The following GOLGA4 variants were observed in gnomAD, a reference collection of about 807,000 sequenced individuals.
GOLGA4 encodes golgin A4.
Under a neutral mutation model 265.9 loss-of-function variants are expected in GOLGA4, and 169 were observed. The ratio of observed to expected loss-of-function variants is 0.64; its 90% CI spans 0.56 to 0.72. The LOEUF (loss-of-function observed/expected upper bound fraction) is 0.72, where lower values mean the gene tolerates loss of function less well. GOLGA4 is among the 30% of genes least tolerant of loss of function. The pLI is 0.00. For synonymous variants in GOLGA4, 923 were observed against 855.8 expected (o/e 1.08, Z -1.37); for missense variants, 2,482 against 2,483.4 (o/e 1.00, Z 0.01).
intron 23 of GOLGA4, among the ~76,000 whole-genome samples, chr3:37,362,243 T>TATTATTA (rs1446910369): frequency 8.6e-6 from 1 of 116,472 alleles, no homozygotes; most frequent in African/African-American, 3.1e-5. Context: ...ATTTATTATT[T>TATTATTA]TTTTTTTTTT....
chr3:37,251,625 C>A, intron 2 of GOLGA4, 141 bp downstream of exon 2: 1 of 476,486 alleles, frequency 2.1e-6, no homozygotes, highest in Non-Finnish European at 3.7e-6. Flanking sequence ...CACAATTGGT[C>A]TTTTTTTTTT....
rs373130700 is a variant in GOLGA4, at chr3:37,342,119, G to C, written c.6472+1920G>C. Among the ~76,000 whole-genome samples, 29 of 152,206 alleles carry C rather than the reference G, an allele frequency of 1.9e-4. No individual in the cohort carries two copies. In the South Asian group the frequency reaches 5.8e-3, roughly 30 times the overall value. The stretch of plus-strand genomic sequence containing the variant: ...GCACTTTGGGAGGCCAAAGTGGGTG[G>C]ATCACTTGAGGCCGGGAGTTTGAGA... On this transcript the variant is annotated intron_variant, in intron 20 of 23. Coordinates refer to ENST00000361924, the MANE Select transcript of GOLGA4 (RefSeq NM_002078.5).
intron 7 of GOLGA4, 145 bp downstream of exon 7, chr3:37,296,364 A>G: frequency 1.4e-6 from 1 of 703,556 alleles, no homozygotes; most frequent in Non-Finnish European, 2.3e-6. Flanking sequence ...TGGGCAACAT[A>G]GAGAAAACCC....
intron 2 of GOLGA4, chr3:37,275,812 A>G: frequency 1.2e-6 from 2 of 1,613,760 alleles, no homozygotes; most frequent in Non-Finnish European, 1.7e-6. Context: ...CCCTGGAATT[A>G]CTGCAGTCCA....
intron 3 of GOLGA4, among the ~76,000 whole-genome samples, chr3:37,283,866 A>G (rs1308516159): frequency 6.6e-6 from 1 of 152,180 alleles, no homozygotes; most frequent in African/African-American, 2.4e-5. Context: ...ATATTGTACC[A>G]TTCCCGTAGA....
At chr3:37,310,813 C>G (rs77907603) in intron 10 of GOLGA4, among the ~76,000 whole-genome samples, 2 of 151,860 alleles carry the variant, frequency 1.3e-5, no homozygotes, top group East Asian at 3.9e-4. Context: ...TTGCAACATT[C>G]TGCGGCAGTT....
In GOLGA4 at chr3:37,325,264, A is replaced by C. The variant is rs1000749936; in HGVS notation, c.3378A>C (p.Ala1126=). The C allele has an allele frequency of 5.6e-6, 9 of 1,613,236 alleles. No individual in the cohort carries two copies. Among genetic ancestry groups the C allele is most frequent in the South Asian group, 2.2e-5 (2 of 90,916 alleles). ...KQKSAHVNSL[A]QDETKLKAHL... ...AGTCTGCCCATGTGAATTCTCTTGC[A>C]CAAGATGAAACTAAACTGAAAGCTC... is the stretch of plus-strand genomic sequence containing the variant. The change falls in exon 14 of 24, where the codon GCA becomes GCC. Residue 1126 remains alanine, a synonymous_variant. Coordinates refer to ENST00000361924, the MANE Select transcript of GOLGA4 (RefSeq NM_002078.5).
At chr3:37,249,590 A>C (rs1469416615) in intron 1 of GOLGA4, 1 of 151,936 alleles carries the variant, frequency 6.6e-6, no homozygotes, top group Non-Finnish European at 1.5e-5. Flanking sequence ...TTAAGTCCTT[A>C]TTCTTCCTGT....
chr3:37,325,780 G>A lies in GOLGA4; in HGVS notation c.3894G>A (p.Gln1298=). Residue 1298 remains glutamine, a synonymous_variant, in exon 14 of 24, where the codon CAG becomes CAA. Transcript: ENST00000361924. ...LNISFQQATH[Q]LEEKENQIKS... is the part of the protein sequence containing the mutation. The stretch of plus-strand genomic sequence containing the variant: ...TTTCTTTTCAACAGGCTACTCATCA[G>A]TTAGAAGAAAAAGAAAATCAAATTA... The A allele has an allele frequency of 6.2e-7, 1 of 1,613,252 alleles. No homozygotes were observed. Among genetic ancestry groups the A allele is most frequent in the South Asian group, 1.1e-5 (1 of 91,044 alleles).
intron 2 of GOLGA4, chr3:37,275,994 C>T: frequency 6.2e-7 from 1 of 1,613,382 alleles, no homozygotes. Flanking sequence ...CAGAACAGCC[C>T]TGAGGCAAGA....
chr3:37,259,046 G>T (rs1180087125), intron 2 of GOLGA4, among the ~76,000 whole-genome samples: 1 of 152,132 alleles, frequency 6.6e-6, no homozygotes, highest in East Asian at 1.9e-4. Context: ...AGTTTGTGAA[G>T]AATTGCTATT....
Position 37,327,186 on chromosome 3 carries a change from T to C in GOLGA4, c.5300T>C (p.Phe1767Ser). 16 of 1,613,840 alleles carry C rather than the reference T, an allele frequency of 9.9e-6. No homozygotes were observed. Among genetic ancestry groups the C allele is most frequent in the Non-Finnish European group, 1.4e-5 (16 of 1,179,846 alleles). ...QEKEETVSSH[F>S]EMRCQYQERL... ...AAAGAAGAGACAGTTTCTTCTCATT[T>C]TGAAATGCGATGCCAATACCAGGAG... is the stretch of plus-strand genomic sequence containing the variant. The change falls in exon 14 of 24, where the codon TTT becomes TCT. Residue 1767 changes from phenylalanine to serine, a missense_variant. Physicochemically the swap from Phe to Ser is radical, Grantham distance 155. Transcript: ENST00000361924.
At chr3:37,323,139 T>A (rs10530032) in intron 13 of GOLGA4, among the ~76,000 whole-genome samples, 3 of 130,760 alleles carry the variant, frequency 2.3e-5, no homozygotes, top group Admixed American at 7.5e-5. Context: ...TTTTTTTTTT[T>A]CCAAGACAGA....
chr3:37,324,457 T>G lies in GOLGA4; in HGVS notation c.2571T>G (p.Asp857Glu). Residue 857 changes from aspartate (D) to glutamate (E), a missense_variant, in exon 14 of 24, where the codon GAT becomes GAG. Physicochemically the swap from Asp to Glu is conservative, Grantham distance 45. Transcript: ENST00000361924. ...AQKKDVCTEL[D>E]AHKIQVQDLM... ...AGAAAGATGTTTGTACTGAGTTAGA[T>G]GCTCACAAAATCCAGGTGCAGGACT... 1 of 1,614,154 alleles carries G rather than the reference T, an allele frequency of 6.2e-7. No individual in the cohort carries two copies. The highest frequency in any genetic ancestry group is 1.1e-5 in the South Asian group (1 of 91,080).
intron 21 of GOLGA4, among the ~76,000 whole-genome samples, chr3:37,349,042 C>G (rs2097065180): frequency 6.6e-6 from 1 of 152,162 alleles, no homozygotes; most frequent in African/African-American, 2.4e-5. Context: ...GTAGTGCTCT[C>G]TCTCCTCTTT....
At chr3:37,271,174 C>T (rs2096797694) in intron 2 of GOLGA4, among the ~76,000 whole-genome samples, 1 of 152,158 alleles carries the variant, frequency 6.6e-6, no homozygotes, top group Non-Finnish European at 1.5e-5. Flanking sequence ...CCACCGCTCT[C>T]CTGCTGTGTG....
chr3:37,300,332 A>C (rs1239661413), intron 9 of GOLGA4, among the ~76,000 whole-genome samples: 4 of 152,140 alleles, frequency 2.6e-5, no homozygotes, highest in Non-Finnish European at 5.9e-5. Context: ...ATTTTCTTTA[A>C]TATGCCGGGT....
intron 21 of GOLGA4, among the ~76,000 whole-genome samples, chr3:37,347,523 A>G (rs1409584534): frequency 6.6e-6 from 1 of 152,310 alleles, no homozygotes; most frequent in East Asian, 1.9e-4. Context: ...CTATTGGGTA[A>G]CACTGAACGC....
At chr3:37,284,385 C>T (rs556973763) in intron 3 of GOLGA4, among the ~76,000 whole-genome samples, 3 of 152,182 alleles carry the variant, frequency 2.0e-5, no homozygotes, top group East Asian at 3.9e-4. Context: ...GTTCTCCTGC[C>T]TCACTCTACA....
Sources: allele counts gnomAD v4.1 joint callset (sites outside exome capture counted in the v4.1 genomes callset), GRCh38; gene constraint gnomAD v4.1.1; transcripts MANE v1.5; gene names NCBI Gene and HGNC (gene_info 2026-07-23, HGNC 2026-07-21).